The following TFPI variants were observed in gnomAD, a reference collection of about 807,000 sequenced individuals.
TFPI encodes the protein tissue factor pathway inhibitor.
TFPI carries 15 observed loss-of-function variants against 34.6 expected under a neutral mutation model. That is an observed-to-expected ratio of 0.43 (90% CI 0.29 to 0.67). The LOEUF (loss-of-function observed/expected upper bound fraction) is 0.67, where lower values mean the gene tolerates loss of function less well. Among genes scored for constraint, TFPI ranks in the 30% least tolerant of loss-of-function variants. TFPI has a pLI of 0.15. For synonymous variants in TFPI, 105 were observed against 120.1 expected (o/e 0.87, Z 0.82); for missense variants, 301 against 364.0 (o/e 0.83, Z 1.41).
intron 1 of TFPI, among the ~76,000 whole-genome samples, chr2:187,530,207 G>A (rs1687891370): frequency 6.6e-6 from 1 of 152,138 alleles, no homozygotes; most frequent in Non-Finnish European, 1.5e-5. Flanking sequence ...TGCCCTGGAG[G>A]TCAATTCTTG....
In TFPI at chr2:187,503,289, T is replaced by C. The variant is rs1211262853; in HGVS notation, c.121+359A>G. On this transcript the variant is annotated intron_variant, in intron 2 of 7. Transcript: ENST00000233156. ...GAAGTTCCCTTTCCTCCTCACACTT[T>C]TCCTAGCCAAAGGGTAGCATCAAAT... Among the ~76,000 whole-genome samples, 4 of 152,082 alleles carry C rather than the reference T, an allele frequency of 2.6e-5. No individual in the cohort carries two copies. The East Asian group carries it at 7.7e-4, about 29-fold the overall frequency.
At chr2:187,502,753 A>G (rs1408587231) in intron 2 of TFPI, among the ~76,000 whole-genome samples, 1 of 152,138 alleles carries the variant, frequency 6.6e-6, no homozygotes, top group Non-Finnish European at 1.5e-5. Flanking sequence ...AAACAGTGAG[A>G]TTCTTGAGCA....
At chr2:187,496,374 TAA>T (rs1047916222) in intron 3 of TFPI, among the ~76,000 whole-genome samples, 13 of 152,164 alleles carry the variant, frequency 8.5e-5, no homozygotes, top group Non-Finnish European at 1.8e-4. Context: ...AAGGAAAGAC[TAA>T]GTCAATGTGA....
chr2:187,516,709 CGACA>C (rs959136354), intron 1 of TFPI: 4 of 152,106 alleles, frequency 2.6e-5, no homozygotes, highest in African/African-American at 9.7e-5. Context: ...TGAAATTCAC[CGACA>C]GACAGCCCAG....
chr2:187,465,275 C>A lies in TFPI; in HGVS notation c.*1661G>T. The A allele has an allele frequency of 6.6e-6, 1 of 151,832 alleles. No individual in the cohort carries two copies. The highest frequency in any genetic ancestry group is 1.5e-5 in the Non-Finnish European group (1 of 67,956). The allele number at this position is 151,832 out of a possible 1,614,324, so 9.4% of individuals were successfully genotyped here. On this transcript the variant is annotated 3_prime_UTR_variant, in exon 8 of 8. Coordinates refer to ENST00000233156, the MANE Select transcript of TFPI (RefSeq NM_006287.6). ...ATCCCAGCACTTTGGGAGGCTGGGG[C>A]TGGAAGATTGCTTGAGCCCAGGTGT...
chr2:187,522,059 T>C (rs1246216173), intron 1 of TFPI, among the ~76,000 whole-genome samples: 6 of 152,302 alleles, frequency 3.9e-5, no homozygotes, highest in Admixed American at 2.6e-4. Context: ...TTAACTCCTT[T>C]GCCCATTTTT....
rs781237667 is a variant in TFPI, at chr2:187,488,335, A to C, written c.358+2T>G. 1 of 1,564,222 alleles carries C rather than the reference A, an allele frequency of 6.4e-7. No homozygotes were observed. Among genetic ancestry groups the C allele is most frequent in the Non-Finnish European group, 8.6e-7 (1 of 1,161,532 alleles). ...CAAATTTACAGACAAATAAATGTTC[A>C]CCTTGTTGCAATGTTGTCTTTATAA... On this transcript the variant is annotated splice_donor_variant, in intron 4 of 7. Transcript: ENST00000233156. LOFTEE classifies it high-confidence loss of function.
intron 1 of TFPI, chr2:187,518,429 G>A (rs994519219): frequency 6.6e-6 from 1 of 152,118 alleles, no homozygotes; most frequent in African/African-American, 2.4e-5. Context: ...GAAATTCTAG[G>A]TTGAAAATTC....
At chr2:187,496,658 G>A (rs1282887477) in intron 3 of TFPI, among the ~76,000 whole-genome samples, 1 of 151,968 alleles carries the variant, frequency 6.6e-6, no homozygotes, top group Non-Finnish European at 1.5e-5. Flanking sequence ...CATATAGAGA[G>A]TTTCTGGTAC....
intron 3 of TFPI, among the ~76,000 whole-genome samples, chr2:187,489,804 A>T: frequency 6.6e-6 from 1 of 151,528 alleles, no homozygotes; most frequent in East Asian, 1.9e-4. Context: ...TATTTATATT[A>T]CCAATAATTG....
Position 187,466,860 on chromosome 2 carries a change from A to G in TFPI, c.*76T>C. The stretch of plus-strand genomic sequence containing the variant: ...ACATATTAATTAAAAGCATTTTAGA[A>G]GAAAAATAGAAAATCATAGTGAAAC... On this transcript the variant is annotated 3_prime_UTR_variant, in exon 8 of 8. Transcript: ENST00000233156. 3.6e-6 allele frequency: 3 copies of G among 835,958 alleles called. No individual in the cohort carries two copies. The highest frequency in any genetic ancestry group is 3.6e-6 in the Non-Finnish European group (2 of 554,632). The allele number at this position is 835,958 out of a possible 1,614,324, so 51.8% of individuals were successfully genotyped here.
chr2:187,503,849 T>G, intron 1 of TFPI, 79 bp from the exon 2 acceptor site: 3 of 1,470,600 alleles, frequency 2.0e-6, no homozygotes, highest in African/African-American at 1.4e-5. Flanking sequence ...ACATCATATG[T>G]GTACCTCATA....
At chr2:187,549,446 C>A (rs1451536431) in intron 1 of TFPI, among the ~76,000 whole-genome samples, 1 of 152,042 alleles carries the variant, frequency 6.6e-6, no homozygotes, top group African/African-American at 2.4e-5. Flanking sequence ...CATAGTCTGG[C>A]AAGTGGGAAG....
rs1464850543 is a variant in TFPI at position 187,484,126 on chromosome 2, A to G, written c.626T>C (p.Phe209Ser). 6.2e-7 allele frequency: 1 copy of G among 1,611,926 alleles called. No homozygotes were observed. The highest frequency in any genetic ancestry group is 1.7e-5 in the Admixed American group (1 of 59,802). ...TPQSTKVPSL[F>S]EFHGPSWCLT... ...AATAAAATCCACAAGATTCTTACCAAAAAGGCTGGGAACCTTGGTTGATTG... is the reference window on the plus strand; with the variant it reads ...AATAAAATCCACAAGATTCTTACCAGAAAGGCTGGGAACCTTGGTTGATTG... The change falls in exon 6 of 8, where the codon TTT becomes TCT. Residue 209 changes from phenylalanine to serine, a missense_variant and splice_region_variant. Coordinates refer to ENST00000233156, the MANE Select transcript of TFPI (RefSeq NM_006287.6).
chr2:187,536,674 C>A (rs539296119), intron 1 of TFPI, among the ~76,000 whole-genome samples: 3 of 152,256 alleles, frequency 2.0e-5, no homozygotes, highest in Admixed American at 2.0e-4. Flanking sequence ...AAAACTGACA[C>A]AAGACAAGGA....
chr2:187,522,466 A>G (rs532686895), intron 1 of TFPI, among the ~76,000 whole-genome samples: 1 of 152,138 alleles, frequency 6.6e-6, no homozygotes, highest in South Asian at 2.1e-4. Flanking sequence ...TAGAATAGTA[A>G]ATTCTAGAGA....
At chr2:187,538,178 G>A (rs1049004581) in intron 1 of TFPI, among the ~76,000 whole-genome samples, 5 of 152,166 alleles carry the variant, frequency 3.3e-5, no homozygotes, top group Non-Finnish European at 7.3e-5. Flanking sequence ...ACAATGTGGT[G>A]ATTCCTCAAG....
chr2:187,482,414 G>A (rs933540615), intron 6 of TFPI, among the ~76,000 whole-genome samples: 1 of 151,942 alleles, frequency 6.6e-6, no homozygotes. Context: ...ATAATGCAAC[G>A]ATAGTACTTA....
At chr2:187,532,524 C>T (rs1474693491) in intron 1 of TFPI, among the ~76,000 whole-genome samples, 1 of 152,198 alleles carries the variant, frequency 6.6e-6, no homozygotes, top group Non-Finnish European at 1.5e-5. Context: ...AGGGGCTGTG[C>T]CATGAAGAAC....
Sources: gnomAD v4.1 joint callset for allele counts (sites outside exome capture counted in the v4.1 genomes callset) on GRCh38, gnomAD v4.1.1 for gene constraint, MANE v1.5 for transcripts, NCBI Gene and HGNC (gene_info 2026-07-23, HGNC 2026-07-21) for gene names.